The following INO80 variants were observed in gnomAD, a reference collection of about 807,000 sequenced individuals.
The protein encoded by INO80 is chromatin-remodeling ATPase INO80.
In INO80, 20 loss-of-function variants were observed where a neutral mutation model predicts 203.4. That is an observed-to-expected ratio of 0.10 (90% CI 0.07 to 0.14). The LOEUF (loss-of-function observed/expected upper bound fraction) is 0.14. INO80 is among the 10% of genes least tolerant of loss of function. The probability of loss-of-function intolerance (pLI) is 1.00; values close to 1 mark genes in which losing one functional copy is unlikely to be tolerated. For missense variants in INO80, 1,419 were observed against 1,914.4 expected, an observed-to-expected ratio of 0.74 and a Z score of 4.83; for synonymous variants, 726 against 685.2, an observed-to-expected ratio of 1.06 and a Z score of -0.93.
intron 9 of INO80, among the ~76,000 whole-genome samples, chr15:41,076,358 T>TCAAAA (rs142519612): frequency 0.063 from 9,620 of 151,532 alleles, 831 homozygotes; most frequent in African/African-American, 0.19. Context: ...AGACTCTGTC[T>TCAAAA]CAAAACAAAA....
intron 28 of INO80, among the ~76,000 whole-genome samples, chr15:41,000,321 AGGGTG>A (rs1177875301): frequency 6.6e-6 from 1 of 152,110 alleles, no homozygotes; most frequent in Non-Finnish European, 1.5e-5. Context: ...GAATGGGTAC[AGGGTG>A]GGAGTATGGG....
At chr15:40,998,131 C>T (rs1334745478) in intron 28 of INO80, among the ~76,000 whole-genome samples, 1 of 151,044 alleles carries the variant, frequency 6.6e-6, no homozygotes, top group Non-Finnish European at 1.5e-5. Flanking sequence ...AAGCAATTCT[C>T]CTGCCTCAGC....
intron 27 of INO80, among the ~76,000 whole-genome samples, chr15:41,008,973 T>C (rs902733333): frequency 6.6e-5 from 10 of 152,142 alleles, no homozygotes; most frequent in African/African-American, 2.4e-4. Flanking sequence ...AGCTGGATTA[T>C]AGGCATGCGC....
chr15:41,086,246 C>G (rs371682064), intron 6 of INO80, among the ~76,000 whole-genome samples: 1 of 151,972 alleles, frequency 6.6e-6, no homozygotes, highest in Non-Finnish European at 1.5e-5. Context: ...GACAAAAATA[C>G]ATGAAACAAA....
chr15:40,982,753 G>C (rs929323663), intron 35 of INO80, 109 bp downstream of exon 35: 44 of 886,862 alleles, frequency 5.0e-5, no homozygotes, highest in African/African-American at 2.0e-4. Flanking sequence ...TGGGGCTCTA[G>C]GAAGAAAGCT....
At chr15:41,005,359 A>G (rs900431676) in intron 28 of INO80, 1 of 413,850 alleles carries the variant, frequency 2.4e-6, no homozygotes, top group Admixed American at 4.3e-5. Context: ...CTGGTGTCAT[A>G]AGAAAGCATA....
chr15:41,070,575 C>T, intron 12 of INO80, 28 bp from the exon 13 acceptor site: 1 of 1,535,476 alleles, frequency 6.5e-7, no homozygotes, highest in Non-Finnish European at 9.0e-7. Context: ...ATGGTCAACA[C>T]CTCATGCATT....
At chr15:41,096,473 C>G in intron 1 of INO80, 120 bp from the exon 2 acceptor site, 1 of 566,812 alleles carries the variant, frequency 1.8e-6, no homozygotes, top group Non-Finnish European at 2.8e-6. Context: ...ACTGAAAAGA[C>G]AGGAGTCTGC....
chr15:41,053,037 G>C (rs796397866), intron 19 of INO80, among the ~76,000 whole-genome samples: 15 of 152,116 alleles, frequency 9.9e-5, no homozygotes, highest in African/African-American at 3.4e-4. Flanking sequence ...TGCCTCAAAA[G>C]AAACAACAAA....
intron 29 of INO80, among the ~76,000 whole-genome samples, chr15:40,996,337 C>A (rs2140425825): frequency 6.6e-6 from 1 of 152,212 alleles, no homozygotes; most frequent in Non-Finnish European, 1.5e-5. Flanking sequence ...ATCCTCTTTT[C>A]TTTTTGAGAC....
chr15:41,087,439 T>G, intron 6 of INO80, 123 bp downstream of exon 6: 3 of 1,060,364 alleles, frequency 2.8e-6, no homozygotes, highest in East Asian at 5.0e-5. Flanking sequence ...GAAAGGAGAG[T>G]TTTTCAGATA....
intron 1 of INO80, among the ~76,000 whole-genome samples, chr15:41,107,896 T>C (rs1254055500): frequency 3.3e-5 from 5 of 151,206 alleles, no homozygotes; most frequent in African/African-American, 1.2e-4. Context: ...GGTCAGAAGT[T>C]TGAGACCAGC....
chr15:40,998,536 T>C (rs916223649), intron 28 of INO80, among the ~76,000 whole-genome samples: 1 of 152,218 alleles, frequency 6.6e-6, no homozygotes, highest in Non-Finnish European at 1.5e-5. Context: ...CCTATGTTCT[T>C]TCAAAGAAAC....
chr15:41,045,067 G>A lies in INO80; in HGVS notation c.2744C>T (p.Ala915Val), dbSNP rs772888677. The A allele has an allele frequency of 2.5e-6, 4 of 1,601,024 alleles. No homozygotes were observed. The highest frequency in any genetic ancestry group is 3.4e-6 in the Non-Finnish European group (4 of 1,176,670). The change falls in exon 24 of 36, where the codon GCT becomes GTT. Residue 915 changes from alanine (A) to valine (V), a missense_variant. Physicochemically the swap from Ala to Val is moderately conservative, Grantham distance 64. Around this residue, in one of 9 missense-constraint regions of INO80, gnomAD observed 302 missense variants for 345.4 expected, o/e 0.87. Transcript: ENST00000648947. ...GGAGGCTTTCAGAGACAGGAAAAGA[G>A]CTAACCATCTGAAACAAACCACAGC... ...MLQGLLARWL[A>V]LFLSLKASYR...
chr15:41,103,757 T>G (rs1220649187), intron 1 of INO80, among the ~76,000 whole-genome samples: 1 of 152,178 alleles, frequency 6.6e-6, no homozygotes, highest in Non-Finnish European at 1.5e-5. Flanking sequence ...AAAATCTAAA[T>G]TCTTCAGCCT....
chr15:40,980,220 T>C lies in INO80; in HGVS notation c.*3A>G, dbSNP rs977751965. On this transcript the variant is annotated 3_prime_UTR_variant, in exon 36 of 36. Transcript: ENST00000648947. The stretch of plus-strand genomic sequence containing the variant: ...GTTGAAGGAAGTCGGAGGGCCCAGA[T>C]GGTTACCGTCCTCCAGAGGGGTTGG... 1.1e-5 allele frequency: 17 copies of C among 1,611,808 alleles called. No individual in the cohort carries two copies. Among genetic ancestry groups the C allele is most frequent in the Non-Finnish European group, 1.4e-5 (16 of 1,179,416 alleles).
intron 29 of INO80, among the ~76,000 whole-genome samples, chr15:40,989,280 G>A (rs373629469): frequency 1.8e-4 from 27 of 152,288 alleles, no homozygotes; most frequent in South Asian, 1.0e-3. Flanking sequence ...TTCCCAGGAT[G>A]GAATGTTTAA....
intron 24 of INO80, among the ~76,000 whole-genome samples, chr15:41,040,258 G>A (rs1013052081): frequency 2.6e-5 from 4 of 152,120 alleles, no homozygotes; most frequent in African/African-American, 7.2e-5. Context: ...TACACGAAGG[G>A]CTAAGAACAG....
At chr15:40,982,711 C>T (rs1242418471) in intron 35 of INO80, 151 bp downstream of exon 35, 5 of 638,332 alleles carry the variant, frequency 7.8e-6, no homozygotes, top group African/African-American at 1.8e-5. Context: ...GGTGAGTCAA[C>T]AGTGCTTATT....
Sources: allele counts gnomAD v4.1 joint callset (sites outside exome capture counted in the v4.1 genomes callset), GRCh38; gene constraint gnomAD v4.1.1; regional missense constraint gnomAD v4.1.1; transcripts MANE v1.5; gene names NCBI Gene and HGNC (gene_info 2026-07-23, HGNC 2026-07-21).